Variants in TMEM131 observed in about 807,000 individuals in gnomAD.
The protein encoded by TMEM131 is transmembrane protein 131.
A neutral mutation model predicts 211.6 loss-of-function variants in TMEM131; 66 were observed. The ratio of observed to expected loss-of-function variants is 0.31; its 90% CI spans 0.26 to 0.38. The LOEUF (loss-of-function observed/expected upper bound fraction) is 0.38, where lower values mean the gene tolerates loss of function less well. Ranked by LOEUF, TMEM131 falls within the 10% of genes least tolerant of loss-of-function variation. The pLI is 1.00. For synonymous variants in TMEM131, 844 were observed against 841.3 expected (o/e 1.00, Z -0.06); for missense variants, 2,036 against 2,299.3 (o/e 0.89, Z 2.34).
chr2:97,940,808 C>CA (rs1261852020), intron 1 of TMEM131, among the ~76,000 whole-genome samples: 994 of 85,932 alleles, frequency 0.012, 8 homozygotes, highest in African/African-American at 0.031. Context: ...GACTCCATCT[C>CA]AAAAAAAAAA....
chr2:97,816,214 G>C (rs1217544249), intron 12 of TMEM131, among the ~76,000 whole-genome samples: 2 of 152,094 alleles, frequency 1.3e-5, no homozygotes, highest in African/African-American at 4.8e-5. Flanking sequence ...GGTGGCACGT[G>C]CCTGTAATCT....
At chr2:97,776,152 C>G (rs1679715488) in intron 31 of TMEM131, 134 bp from the exon 32 acceptor site, 1 of 830,156 alleles carries the variant, frequency 1.2e-6, no homozygotes, top group African/African-American at 1.7e-5. Flanking sequence ...CTCCCGGGTT[C>G]ACACCATTCT....
intron 2 of TMEM131, among the ~76,000 whole-genome samples, chr2:97,926,763 C>T (rs1677009382): frequency 6.6e-6 from 1 of 152,186 alleles, no homozygotes; most frequent in Non-Finnish European, 1.5e-5. Flanking sequence ...CCTCCCTCAG[C>T]AAAAATACAA....
chr2:97,920,964 A>G (rs1676713720), intron 2 of TMEM131, among the ~76,000 whole-genome samples: 1 of 130,662 alleles, frequency 7.7e-6, no homozygotes, highest in Admixed American at 8.0e-5. Flanking sequence ...CTAATAAAAA[A>G]TCCCGAGTGT....
chr2:97,817,629 A>G (rs1681892740), intron 12 of TMEM131, among the ~76,000 whole-genome samples: 1 of 152,154 alleles, frequency 6.6e-6, no homozygotes, highest in Non-Finnish European at 1.5e-5. Context: ...TGTGATTTTT[A>G]TTCCTTGAGA....
chr2:97,942,491 A>G (rs1011207156), intron 1 of TMEM131, among the ~76,000 whole-genome samples: 8 of 115,136 alleles, frequency 6.9e-5, no homozygotes, highest in Non-Finnish European at 1.3e-4. Context: ...AAAAAAAAAT[A>G]CAAAAAAAAA....
intron 1 of TMEM131, among the ~76,000 whole-genome samples, 187 bp downstream of exon 1, chr2:97,995,289 G>T (rs1446669472): frequency 6.6e-6 from 1 of 152,234 alleles, no homozygotes; most frequent in Non-Finnish European, 1.5e-5. Context: ...GGCACGGGAA[G>T]GAATCACGGA....
intron 18 of TMEM131, 98 bp from the exon 19 acceptor site, chr2:97,809,872 C>A: frequency 1.2e-6 from 1 of 860,536 alleles, no homozygotes. Context: ...AATTTTGGGA[C>A]TAATATTGAC....
chr2:97,954,431 C>A lies in TMEM131; in HGVS notation c.188-26944G>T, dbSNP rs1463964444. The stretch of plus-strand genomic sequence containing the variant: ...AAATACGGACCAATTCCTCAAAAAC[C>A]ACAAACTACCAAAGCTCAACCAAGA... On this transcript the variant is annotated intron_variant, in intron 1 of 40. Transcript: ENST00000186436. Among the ~76,000 whole-genome samples the A allele has an allele frequency of 3.9e-5, 6 of 152,234 alleles. No individual in the cohort carries two copies. In the East Asian group the frequency reaches 1.2e-3, roughly 29 times the overall value.
chr2:97,852,515 T>C (rs1573460619), intron 5 of TMEM131, among the ~76,000 whole-genome samples: 1 of 152,192 alleles, frequency 6.6e-6, no homozygotes, highest in Admixed American at 6.5e-5. Context: ...TGACTCTCTT[T>C]AATTCTGTGA....
intron 2 of TMEM131, among the ~76,000 whole-genome samples, chr2:97,918,495 G>A (rs1006266597): frequency 1.3e-5 from 2 of 152,086 alleles, no homozygotes; most frequent in African/African-American, 4.8e-5. Context: ...ACAGTTTACA[G>A]AAAATTCACA....
rs74448148 is a variant in TMEM131 at position 97,849,410 on chromosome 2, C to G, written c.484-5149G>C. Among the ~76,000 whole-genome samples the G allele has an allele frequency of 2.6e-5, 4 of 152,090 alleles. 1 individual carries two copies. In the East Asian group the frequency reaches 7.7e-4, roughly 29 times the overall value. ...AAGTGGTACAAAGAACTGATACAGC[C>G]TACTACACCAACCAATATGAAATGC... is the stretch of plus-strand genomic sequence containing the variant. On this transcript the variant is annotated intron_variant, in intron 5 of 40. Transcript: ENST00000186436.
At chr2:97,826,255 G>C (rs1025465079) in intron 11 of TMEM131, among the ~76,000 whole-genome samples, 2 of 152,176 alleles carry the variant, frequency 1.3e-5, no homozygotes, top group African/African-American at 4.8e-5. Flanking sequence ...CAGAACTAGT[G>C]GCACTTACCT....
At chr2:97,803,257 T>C (rs1010022591) in intron 22 of TMEM131, among the ~76,000 whole-genome samples, 1 of 152,188 alleles carries the variant, frequency 6.6e-6, no homozygotes, top group Non-Finnish European at 1.5e-5. Flanking sequence ...ACATTTTCAG[T>C]AGGACTAATG....
chr2:97,938,916 T>C (rs1469013489), intron 1 of TMEM131, among the ~76,000 whole-genome samples: 1 of 152,144 alleles, frequency 6.6e-6, no homozygotes, highest in African/African-American at 2.4e-5. Context: ...AACAACCTGC[T>C]CCTGAATGAC....
chr2:97,794,891 A>ATG, intron 29 of TMEM131, 39 bp downstream of exon 29: 1 of 1,496,374 alleles, frequency 6.7e-7, no homozygotes. Context: ...ACAGTGTTAA[A>ATG]TGTTGAATGA....
At chr2:97,994,439 T>C (rs1304882888) in intron 1 of TMEM131, among the ~76,000 whole-genome samples, 1 of 152,224 alleles carries the variant, frequency 6.6e-6, no homozygotes, top group African/African-American at 2.4e-5. Context: ...ACTTTAATAC[T>C]AATTTGGTTT....
At chr2:97,821,994 CAA>C (rs1007610851) in intron 11 of TMEM131, among the ~76,000 whole-genome samples, 1 of 152,166 alleles carries the variant, frequency 6.6e-6, no homozygotes, top group Non-Finnish European at 1.5e-5. Flanking sequence ...GCGGAATTCT[CAA>C]AGTTATGTTG....
chr2:97,798,272 T>A (rs1680864562), intron 25 of TMEM131, among the ~76,000 whole-genome samples: 1 of 152,254 alleles, frequency 6.6e-6, no homozygotes, highest in African/African-American at 2.4e-5. Context: ...CATATAAGGA[T>A]ATACCGTTCT....
Sources: allele counts gnomAD v4.1 joint callset (sites outside exome capture counted in the v4.1 genomes callset), GRCh38; gene constraint gnomAD v4.1.1; transcripts MANE v1.5; gene names NCBI Gene and HGNC (gene_info 2026-07-23, HGNC 2026-07-21).